NCALD: variants seen among roughly 807,000 people sequenced by gnomAD.
NCALD encodes the protein neurocalcin-delta.
A neutral mutation model predicts 18.6 loss-of-function variants in NCALD; 10 were observed. The observed-to-expected ratio is 0.54, with a 90% confidence interval of 0.33 to 0.91. The LOEUF (loss-of-function observed/expected upper bound fraction) is 0.91. NCALD is among the 40% of genes least tolerant of loss of function. NCALD has a pLI of 0.03. For missense variants in NCALD, 184 were observed against 247.6 expected, an observed-to-expected ratio of 0.74 and a Z score of 1.72; for synonymous variants, 88 against 87.4, an observed-to-expected ratio of 1.01 and a Z score of -0.04.
chr8:101,973,353 C>A (rs1044555893), intron 2 of NCALD, among the ~76,000 whole-genome samples: 1 of 152,112 alleles, frequency 6.6e-6, no homozygotes, highest in African/African-American at 2.4e-5. Flanking sequence ...TAAGGCATAT[C>A]ATAGGACGGC....
intron 2 of NCALD, among the ~76,000 whole-genome samples, chr8:101,941,899 G>T (rs1278283949): frequency 6.6e-6 from 1 of 152,174 alleles, no homozygotes; most frequent in African/African-American, 2.4e-5. Context: ...ACCAAAACCA[G>T]TAAGTGGTAA....
intron 2 of NCALD, among the ~76,000 whole-genome samples, chr8:101,949,484 T>C (rs1302871158): frequency 6.6e-6 from 1 of 152,108 alleles, no homozygotes; most frequent in African/African-American, 2.4e-5. Context: ...ACATATCTGG[T>C]ACTGTTAGAG....
chr8:102,121,206 G>A (rs959686079), intron 1 of NCALD, among the ~76,000 whole-genome samples: 3 of 152,060 alleles, frequency 2.0e-5, no homozygotes, highest in Non-Finnish European at 2.9e-5. Flanking sequence ...ATTCTTCTCC[G>A]TGTTTTGTTG....
intron 2 of NCALD, among the ~76,000 whole-genome samples, chr8:101,695,005 T>C (rs761184377): frequency 7.2e-5 from 11 of 152,108 alleles, no homozygotes; most frequent in Non-Finnish European, 1.5e-4. Flanking sequence ...GTGGAAGCTT[T>C]TCGTAACTCT....
intron 1 of NCALD, among the ~76,000 whole-genome samples, chr8:101,737,530 G>C (rs895298356): frequency 1.3e-5 from 2 of 152,192 alleles, no homozygotes; most frequent in African/African-American, 4.8e-5. Flanking sequence ...ACCCCAACCT[G>C]ATTGGAGTCA....
intron 2 of NCALD, among the ~76,000 whole-genome samples, chr8:101,993,659 C>G (rs964932593): frequency 4.2e-4 from 64 of 152,344 alleles, no homozygotes; most frequent in African/African-American, 1.5e-3. Flanking sequence ...CCTCTCCCTA[C>G]TACTCCAGGC....
At chr8:102,024,128 G>GA (rs1822375467) in intron 1 of NCALD, among the ~76,000 whole-genome samples, 2 of 152,116 alleles carry the variant, frequency 1.3e-5, no homozygotes, top group South Asian at 2.1e-4. Context: ...AACTGAATGG[G>GA]AAAAAAACAG....
intron 3 of NCALD, among the ~76,000 whole-genome samples, chr8:101,912,828 A>G (rs978348401): frequency 9.2e-5 from 14 of 152,242 alleles, no homozygotes; most frequent in Admixed American, 6.5e-4. Flanking sequence ...GGCAAAGCCA[A>G]TGCCTTCATT....
At chr8:101,793,926 C>T (rs1812540043), upstream of NCALD, among the ~76,000 whole-genome samples, 1 of 152,188 alleles carries the variant, frequency 6.6e-6, no homozygotes, top group Non-Finnish European at 1.5e-5. Flanking sequence ...TCATGCAATT[C>T]TAACCAGTCT....
intron 1 of NCALD, among the ~76,000 whole-genome samples, chr8:102,031,183 A>T (rs1312792523): frequency 6.6e-6 from 1 of 152,210 alleles, no homozygotes; most frequent in East Asian, 1.9e-4. Context: ...GAACACAATG[A>T]AATGTACCGT....
intron 2 of NCALD, among the ~76,000 whole-genome samples, chr8:101,695,181 C>T (rs1814933329): frequency 6.6e-6 from 1 of 152,190 alleles, no homozygotes; most frequent in Admixed American, 6.5e-5. Context: ...ATCACATTAG[C>T]ACAACCTCCT....
chr8:101,689,225 TG>T lies in NCALD; in HGVS notation c.*83del. ...GGACGGCATCACCATTGATATTGTTTGGCAAAAAAAAAAAAAAATTGTTAAA... is the reference window on the plus strand; with the variant it reads ...GGACGGCATCACCATTGATATTGTTTGCAAAAAAAAAAAAAAATTGTTAAA... On this transcript the variant is annotated 3_prime_UTR_variant, in exon 4 of 4. Coordinates refer to ENST00000220931, the MANE Select transcript of NCALD (RefSeq NM_032041.3). This position sits in a 1 kb window ranked among gnomAD's most constrained non-coding sequence, Gnocchi z 4.4. 1 of 1,237,044 alleles carries T rather than the reference TG, an allele frequency of 8.1e-7. No homozygotes were observed. The highest frequency in any genetic ancestry group is 2.2e-5 in the Admixed American group (1 of 45,830). The allele number at this position is 1,237,044 out of a possible 1,614,324, so 76.6% of individuals were successfully genotyped here.
chr8:101,816,964 G>T (rs1216854553), intron 4 of NCALD, among the ~76,000 whole-genome samples: 1 of 151,938 alleles, frequency 6.6e-6, no homozygotes, highest in Admixed American at 6.6e-5. Context: ...GCTTTAAAAA[G>T]TGTCTTTAAA....
chr8:101,711,868 C>T (rs781041858), intron 2 of NCALD, among the ~76,000 whole-genome samples: 11 of 152,196 alleles, frequency 7.2e-5, no homozygotes, highest in East Asian at 1.9e-4. Context: ...TCCAGGAGAA[C>T]GTCCCCAACC....
At chr8:102,067,229 T>A (rs1032744665) in intron 1 of NCALD, among the ~76,000 whole-genome samples, 5 of 152,218 alleles carry the variant, frequency 3.3e-5, no homozygotes, top group African/African-American at 4.8e-5. Flanking sequence ...GTGTGCTCAC[T>A]TCTAGCACGC....
chr8:101,884,365 G>T (rs114285245), intron 4 of NCALD, among the ~76,000 whole-genome samples: 12 of 152,096 alleles, frequency 7.9e-5, no homozygotes, highest in African/African-American at 2.2e-4. Flanking sequence ...CTTCTCAGCC[G>T]CATGCCTTCC....
At chr8:101,828,646 G>T (rs1471442870) in intron 4 of NCALD, among the ~76,000 whole-genome samples, 1 of 150,724 alleles carries the variant, frequency 6.6e-6, no homozygotes, top group Non-Finnish European at 1.5e-5. Context: ...CTGTCACTAA[G>T]GCTAAAGTGT....
At chr8:101,970,134 A>ACTTAGCTATCACAGATCATTT (rs1820185143) in intron 2 of NCALD, among the ~76,000 whole-genome samples, 2 of 152,190 alleles carry the variant, frequency 1.3e-5, no homozygotes, top group South Asian at 4.1e-4. Flanking sequence ...CTCTGTAGTA[A>ACTTAGCTATCACAGATCATTT]CTTAGCTATC....
chr8:102,058,987 AG>A (rs1263062172), intron 1 of NCALD, among the ~76,000 whole-genome samples: 1 of 152,214 alleles, frequency 6.6e-6, no homozygotes, highest in Admixed American at 6.5e-5. Context: ...AGGCACAAAA[AG>A]GGATTTTCCC....
Sources: gnomAD v4.1 joint callset for allele counts (sites outside exome capture counted in the v4.1 genomes callset) on GRCh38, gnomAD v4.1.1 for gene constraint, Gnocchi (gnomAD v3.1) non-coding constraint, MANE v1.5 for transcripts, NCBI Gene and HGNC (gene_info 2026-07-23, HGNC 2026-07-21) for gene names.